Variants in SGCZ observed in about 807,000 individuals in gnomAD.
The protein encoded by SGCZ is zeta-sarcoglycan.
A neutral mutation model predicts 41.3 loss-of-function variants in SGCZ; 40 were observed. That is an observed-to-expected ratio of 0.97 (90% CI 0.75 to 1.26). The LOEUF (loss-of-function observed/expected upper bound fraction) is 1.26. Ranked by LOEUF, SGCZ falls within the 50% of genes most tolerant of loss-of-function variation. The pLI is 0.00. For missense variants in SGCZ, 552 were observed against 369.8 expected, an observed-to-expected ratio of 1.49 and a Z score of -4.04; for synonymous variants, 206 against 137.5, an observed-to-expected ratio of 1.50 and a Z score of -3.49.
rs1021495308 is a variant in SGCZ, at chr8:14,324,046, G to C, written c.336+57C>G. On this transcript the variant is annotated intron_variant, in intron 3 of 7. Transcript: ENST00000382080. Reference sequence around the variant, plus strand: ...AGGGGATTCTACCCTGCTATTTCAAGCTAAAACATAACCTCTAAATTATCT... The same window carrying C: ...AGGGGATTCTACCCTGCTATTTCAACCTAAAACATAACCTCTAAATTATCT... 4 of 1,241,562 alleles carry C rather than the reference G, an allele frequency of 3.2e-6. No homozygotes were observed. In the Admixed American group the frequency reaches 5.5e-5, roughly 17 times the overall value. The allele number at this position is 1,241,562 out of a possible 1,614,324, so 76.9% of individuals were successfully genotyped here.
chr8:14,449,686 G>C (rs1335629353), intron 2 of SGCZ, among the ~76,000 whole-genome samples: 1 of 152,096 alleles, frequency 6.6e-6, no homozygotes, highest in Non-Finnish European at 1.5e-5. Context: ...CACCCTCAAA[G>C]ATACTCTTCA....
At chr8:14,256,780 G>C (rs1356493422) in intron 3 of SGCZ, among the ~76,000 whole-genome samples, 5 of 152,062 alleles carry the variant, frequency 3.3e-5, no homozygotes, top group Non-Finnish European at 2.9e-5. Context: ...CAAAATCTGA[G>C]TTATCAACTT....
chr8:14,725,952 A>C (rs1243527589), intron 1 of SGCZ, among the ~76,000 whole-genome samples: 3 of 152,054 alleles, frequency 2.0e-5, no homozygotes, highest in Non-Finnish European at 4.4e-5. Flanking sequence ...TTTTTCACTT[A>C]TTAAAGTAAA....
At chr8:15,057,558 C>T (rs886619524) in intron 1 of SGCZ, among the ~76,000 whole-genome samples, 1 of 152,058 alleles carries the variant, frequency 6.6e-6, no homozygotes, top group South Asian at 2.1e-4. Context: ...ATTAATTAAA[C>T]AAGCTTATGA....
At chr8:14,789,336 A>G (rs1030140884) in intron 1 of SGCZ, among the ~76,000 whole-genome samples, 4 of 152,180 alleles carry the variant, frequency 2.6e-5, no homozygotes, top group African/African-American at 4.8e-5. Context: ...TGCACATCAG[A>G]TAATTACAAC....
chr8:15,135,285 T>C (rs889196020), intron 1 of SGCZ, among the ~76,000 whole-genome samples: 11 of 152,198 alleles, frequency 7.2e-5, no homozygotes, highest in Non-Finnish European at 1.6e-4. Context: ...CTGAAAACTT[T>C]TGGGTAAATG....
At chr8:14,569,541 TA>T (rs1804485400) in intron 1 of SGCZ, among the ~76,000 whole-genome samples, 2 of 152,192 alleles carry the variant, frequency 1.3e-5, no homozygotes, top group African/African-American at 2.4e-5. Flanking sequence ...TTCTAGAAGC[TA>T]TGGATAGAAT....
At chr8:14,827,219 AC>A (rs1182152099) in intron 1 of SGCZ, among the ~76,000 whole-genome samples, 2 of 147,710 alleles carry the variant, frequency 1.4e-5, no homozygotes, top group Non-Finnish European at 3.0e-5. Context: ...TGTTTATATC[AC>A]ATTTTCTTTT....
intron 2 of SGCZ, among the ~76,000 whole-genome samples, chr8:14,445,751 G>A (rs542350581): frequency 5.9e-5 from 9 of 152,280 alleles, no homozygotes; most frequent in Admixed American, 3.9e-4. Context: ...AGGTGATGTG[G>A]CAAGGGGTCA....
Position 14,085,721 on chromosome 8 carries a change from A to T in SGCZ, c.*4722T>A, listed in dbSNP as rs971001399. Among the ~76,000 whole-genome samples, 3 of 151,752 alleles carry T rather than the reference A, an allele frequency of 2.0e-5. No individual in the cohort carries two copies. The highest frequency in any genetic ancestry group is 2.0e-4 in the Admixed American group (3 of 15,192). ...TTTTATGAATACCAAGGAGTTTGTT[A>T]TGCATGTATAAAAGAAAAGTGGACC... On this transcript the variant is annotated 3_prime_UTR_variant, in exon 8 of 8. Coordinates refer to ENST00000382080, the MANE Select transcript of SGCZ (RefSeq NM_139167.4).
chr8:14,931,201 A>G (rs1227382825), intron 1 of SGCZ, among the ~76,000 whole-genome samples: 1 of 151,972 alleles, frequency 6.6e-6, no homozygotes, highest in East Asian at 1.9e-4. Flanking sequence ...TGATTACATA[A>G]TCTGCACTTA....
intron 1 of SGCZ, among the ~76,000 whole-genome samples, chr8:14,637,950 G>C (rs1470609832): frequency 7.9e-5 from 12 of 151,750 alleles, no homozygotes; most frequent in Non-Finnish European, 1.2e-4. Flanking sequence ...TAAGTGTTCT[G>C]TTTTCTCCAC....
chr8:14,459,068 G>A (rs1246814380), intron 2 of SGCZ, among the ~76,000 whole-genome samples: 1 of 152,144 alleles, frequency 6.6e-6, no homozygotes, highest in African/African-American at 2.4e-5. Context: ...ACTCATAAAT[G>A]TCCATTAGTT....
At chr8:14,779,595 A>G (rs1184783439) in intron 1 of SGCZ, among the ~76,000 whole-genome samples, 1 of 152,246 alleles carries the variant, frequency 6.6e-6, no homozygotes, top group Admixed American at 6.5e-5. Flanking sequence ...TAGATATTCA[A>G]TGAAAAATAA....
chr8:14,436,100 C>G (rs1265809154), intron 2 of SGCZ, among the ~76,000 whole-genome samples: 1 of 152,150 alleles, frequency 6.6e-6, no homozygotes, highest in East Asian at 1.9e-4. Flanking sequence ...CAGTGGATGT[C>G]AAACTTCTGT....
At chr8:14,123,989 G>T (rs1330462517) in intron 5 of SGCZ, among the ~76,000 whole-genome samples, 1 of 152,018 alleles carries the variant, frequency 6.6e-6, no homozygotes, top group Non-Finnish European at 1.5e-5. Context: ...GATAGAGGAA[G>T]GGCCAAGAGC....
intron 7 of SGCZ, among the ~76,000 whole-genome samples, chr8:14,094,361 A>C (rs12675419): frequency 0.066 from 9,932 of 151,334 alleles, 384 homozygotes; most frequent in Non-Finnish European, 0.091. Flanking sequence ...TCATTGTTCA[A>C]CTCCCAATTA....
At chr8:14,317,287 A>G (rs916123111) in intron 3 of SGCZ, among the ~76,000 whole-genome samples, 3 of 152,052 alleles carry the variant, frequency 2.0e-5, no homozygotes, top group Non-Finnish European at 4.4e-5. Flanking sequence ...AGTCATTAAA[A>G]TATTAGGTGC....
chr8:15,159,406 A>T (rs1799432193), intron 1 of SGCZ, among the ~76,000 whole-genome samples: 1 of 152,032 alleles, frequency 6.6e-6, no homozygotes, highest in African/African-American at 2.4e-5. Context: ...GGTCATGGGA[A>T]CTCTGACTTG....
Sources: gnomAD v4.1 joint callset for allele counts (sites outside exome capture counted in the v4.1 genomes callset) on GRCh38, gnomAD v4.1.1 for gene constraint, MANE v1.5 for transcripts, NCBI Gene and HGNC (gene_info 2026-07-23, HGNC 2026-07-21) for gene names.